Variants in CLIC4 observed in about 807,000 individuals in gnomAD.
The protein encoded by CLIC4 is CLIC family member 4, also known as chloride intracellular channel protein 4.
CLIC4 carries 13 observed loss-of-function variants against 24.6 expected under a neutral mutation model. The observed-to-expected ratio is 0.53, with a 90% confidence interval of 0.34 to 0.84. The LOEUF is 0.84. Ranked by LOEUF, CLIC4 falls within the 40% of genes least tolerant of loss-of-function variation. The pLI is 0.01. For synonymous variants in CLIC4, 104 were observed against 111.3 expected (o/e 0.93, Z 0.41); for missense variants, 227 against 301.7 (o/e 0.75, Z 1.83).
chr1:24,781,694 G>T (rs1192791095), intron 1 of CLIC4, among the ~76,000 whole-genome samples: 9 of 150,404 alleles, frequency 6.0e-5, no homozygotes, highest in Non-Finnish European at 1.2e-4. Context: ...TAAAGACGGA[G>T]TCTCGCACTG....
intron 2 of CLIC4, among the ~76,000 whole-genome samples, chr1:24,812,616 T>TA (rs961186330): frequency 6.7e-4 from 101 of 150,452 alleles, no homozygotes; most frequent in Admixed American, 1.7e-3. Context: ...GTATTTTGGT[T>TA]AAAAAAAAAA....
chr1:24,818,812 TA>T (rs59529329), intron 3 of CLIC4, among the ~76,000 whole-genome samples: 145,069 of 146,602 alleles, frequency 0.99, 71,772 homozygotes, highest in Middle Eastern at 1. Context: ...TGTCTTAATT[TA>T]AAAAAAAAAA....
chr1:24,823,490 A>G (rs1639754997), intron 3 of CLIC4, among the ~76,000 whole-genome samples: 1 of 152,196 alleles, frequency 6.6e-6, no homozygotes, highest in African/African-American at 2.4e-5. Context: ...AATGAGACAT[A>G]CAGGCCGGGT....
rs757748127 is a variant in CLIC4 at position 24,813,951 on chromosome 1, T to C, written c.183-143T>C. 3.4e-6 allele frequency: 3 copies of C among 873,924 alleles called. 1 individual carries two copies. The South Asian group carries it at 4.4e-5, about 13-fold the overall frequency. The allele number at this position is 873,924 out of a possible 1,614,324, so 54.1% of individuals were successfully genotyped here. On this transcript the variant is annotated intron_variant, in intron 2 of 5. Transcript: ENST00000374379. Reference sequence around the variant, plus strand: ...CAGGCTGGGTCTCAAACTCCTGGGCTAAGCAGTGTCCCACCTCAGCCTCCT... The same window carrying C: ...CAGGCTGGGTCTCAAACTCCTGGGCCAAGCAGTGTCCCACCTCAGCCTCCT...
rs192999155 is a variant in CLIC4, at chr1:24,823,545, C to T, written c.309-3465C>T. 2.2e-4 allele frequency among the ~76,000 whole-genome samples: 34 copies of T among 152,132 alleles called. 1 individual carries two copies. The East Asian group carries it at 2.9e-3, about 13-fold the overall frequency. On this transcript the variant is annotated intron_variant, in intron 3 of 5. Coordinates refer to ENST00000374379, the MANE Select transcript of CLIC4 (RefSeq NM_013943.3). ...ATCCCAGCACTTTGGGAGGCCAAGG[C>T]GGGTGGATCATGAGGTCAGCAGTTT... is the stretch of plus-strand genomic sequence containing the variant.
At chr1:24,799,834 A>G (rs1345944191) in intron 2 of CLIC4, among the ~76,000 whole-genome samples, 2 of 14,816 alleles carry the variant, frequency 1.3e-4, no homozygotes, top group Non-Finnish European at 2.6e-4. Context: ...GGAAGTGAGG[A>G]GCCCCTCTGC....
At chr1:24,776,683 G>T (rs771671635) in intron 1 of CLIC4, among the ~76,000 whole-genome samples, 35 of 152,158 alleles carry the variant, frequency 2.3e-4, no homozygotes, top group Non-Finnish European at 3.8e-4. Flanking sequence ...GCTCATGCCT[G>T]TAATCCCAGC....
chr1:24,781,756 A>G (rs568054361), intron 1 of CLIC4, among the ~76,000 whole-genome samples: 1 of 151,046 alleles, frequency 6.6e-6, no homozygotes, highest in East Asian at 2.0e-4. Flanking sequence ...CTTTAAGGGA[A>G]TCTCCTGCCT....
intron 2 of CLIC4, among the ~76,000 whole-genome samples, chr1:24,799,695 A>G (rs1341969190): frequency 3.1e-5 from 3 of 98,012 alleles, no homozygotes; most frequent in Admixed American, 1.1e-4. Context: ...TCCGGGAGGG[A>G]GGTGGGGGGG....
chr1:24,754,622 G>C (rs1638819146), intron 1 of CLIC4, among the ~76,000 whole-genome samples: 1 of 152,082 alleles, frequency 6.6e-6, no homozygotes, highest in African/African-American at 2.4e-5. Context: ...ATTAGGTCAT[G>C]GTTACCTATT....
At chr1:24,805,043 C>T (rs113733440) in intron 2 of CLIC4, among the ~76,000 whole-genome samples, 2,917 of 137,914 alleles carry the variant, frequency 0.021, 96 homozygotes, top group African/African-American at 0.074. Flanking sequence ...AGGCAAATCA[C>T]GCCACTGCAC....
intron 2 of CLIC4, among the ~76,000 whole-genome samples, chr1:24,808,590 C>T (rs1223179539): frequency 6.6e-6 from 1 of 151,042 alleles, no homozygotes; most frequent in Non-Finnish European, 1.5e-5. Flanking sequence ...TCATGGCTCG[C>T]CTCAGCCTTC....
chr1:24,768,143 A>G (rs982531773), intron 1 of CLIC4, among the ~76,000 whole-genome samples: 1 of 151,902 alleles, frequency 6.6e-6, no homozygotes, highest in East Asian at 1.9e-4. Context: ...GCCCAGCCAA[A>G]ATTTTCATTT....
chr1:24,751,962 A>T (rs529275067), intron 1 of CLIC4, among the ~76,000 whole-genome samples: 2 of 152,342 alleles, frequency 1.3e-5, no homozygotes, highest in East Asian at 3.9e-4. Context: ...GTGAACTGGG[A>T]TGATCACTGT....
At chr1:24,816,586 C>T (rs986045391) in intron 3 of CLIC4, among the ~76,000 whole-genome samples, 6 of 152,062 alleles carry the variant, frequency 3.9e-5, no homozygotes, top group Non-Finnish European at 8.8e-5. Context: ...AAATCTTTTC[C>T]AGGTCACTTT....
chr1:24,751,225 T>C (rs1004540769), intron 1 of CLIC4, among the ~76,000 whole-genome samples: 2 of 107,218 alleles, frequency 1.9e-5, no homozygotes, highest in Non-Finnish European at 4.3e-5. Context: ...TTTTTTTTTT[T>C]TTGAGATGGA....
At chr1:24,840,706 C>A (rs998391827) in intron 5 of CLIC4, 67 bp from the exon 6 acceptor site, 1 of 1,306,230 alleles carries the variant, frequency 7.7e-7, no homozygotes, top group Non-Finnish European at 1.0e-6. Context: ...GCTCCAAAAT[C>A]AGAGATATGT....
chr1:24,820,267 C>CTTTTTT (rs372726009), intron 3 of CLIC4, among the ~76,000 whole-genome samples: 17 of 49,772 alleles, frequency 3.4e-4, no homozygotes, highest in African/African-American at 6.3e-4. Flanking sequence ...CCTTTTTGGT[C>CTTTTTT]TTTTTTTTTT....
intron 2 of CLIC4, among the ~76,000 whole-genome samples, chr1:24,813,505 G>A (rs1000740410): frequency 1.4e-4 from 21 of 149,876 alleles, no homozygotes; most frequent in African/African-American, 3.9e-4. Flanking sequence ...TGCAACCTCC[G>A]CCTCCCGGGT....
Sources: gnomAD v4.1 joint callset for allele counts (sites outside exome capture counted in the v4.1 genomes callset) on GRCh38, gnomAD v4.1.1 for gene constraint, MANE v1.5 for transcripts, NCBI Gene and HGNC (gene_info 2026-07-23, HGNC 2026-07-21) for gene names.